SIPA1L3: variants seen among roughly 807,000 people sequenced by gnomAD.
SIPA1L3 encodes the protein signal induced proliferation associated 1 like 3.
Under a neutral mutation model 150.1 loss-of-function variants are expected in SIPA1L3, and 59 were observed. That is an observed-to-expected ratio of 0.39 (90% CI 0.32 to 0.49). SIPA1L3 has a LOEUF of 0.49. SIPA1L3 is among the 20% of genes least tolerant of loss of function. SIPA1L3 has a pLI of 0.86. For missense variants in SIPA1L3, 2,211 were observed against 2,489.5 expected, an observed-to-expected ratio of 0.89 and a Z score of 2.38; for synonymous variants, 1,070 against 1,077.6, an observed-to-expected ratio of 0.99 and a Z score of 0.14.
At chr19:38,128,276 G>A (rs1203152406) in intron 9 of SIPA1L3, among the ~76,000 whole-genome samples, 9 of 151,974 alleles carry the variant, frequency 5.9e-5, no homozygotes, top group Admixed American at 5.9e-4. Context: ...AATAGGATGG[G>A]AAAGAATAAA....
chr19:37,908,361 G>A (rs1054185057), intron 1 of SIPA1L3, among the ~76,000 whole-genome samples: 3 of 152,180 alleles, frequency 2.0e-5, no homozygotes, highest in African/African-American at 7.2e-5. Context: ...CTAAGTAGCA[G>A]CTCTTATGTA....
At chr19:37,965,904 CT>C (rs1468768957) in intron 1 of SIPA1L3, among the ~76,000 whole-genome samples, 1 of 152,182 alleles carries the variant, frequency 6.6e-6, no homozygotes, top group Non-Finnish European at 1.5e-5. Context: ...TCCTGCCCAC[CT>C]CAGAAGCACC....
chr19:38,090,445 A>G (rs1437398583), intron 4 of SIPA1L3, among the ~76,000 whole-genome samples: 2 of 152,090 alleles, frequency 1.3e-5, no homozygotes, highest in African/African-American at 4.8e-5. Context: ...GGTAGAGGAA[A>G]CTGCCCGGTC....
At chr19:37,933,858 G>A (rs1326639750) in intron 1 of SIPA1L3, among the ~76,000 whole-genome samples, 1 of 152,210 alleles carries the variant, frequency 6.6e-6, no homozygotes, top group Admixed American at 6.5e-5. Context: ...TAAGTGGAGA[G>A]GATGTCAGGT....
intron 16 of SIPA1L3, among the ~76,000 whole-genome samples, chr19:38,187,746 G>GA (rs915321008): frequency 1.0e-4 from 14 of 137,406 alleles, no homozygotes; most frequent in East Asian, 6.7e-4. Flanking sequence ...AAGACAAAAG[G>GA]AAAAAAAAAC....
At chr19:38,181,819 C>G (rs949764526) in intron 15 of SIPA1L3, among the ~76,000 whole-genome samples, 21 of 145,534 alleles carry the variant, frequency 1.4e-4, no homozygotes, top group Non-Finnish European at 2.7e-4. Flanking sequence ...GCACTCCAGC[C>G]TGGGCAACAG....
chr19:38,182,864 C>T (rs1339735338), intron 16 of SIPA1L3, 124 bp downstream of exon 16: 5 of 715,006 alleles, frequency 7.0e-6, no homozygotes, highest in Admixed American at 3.0e-5. Flanking sequence ...TACCAGTGTA[C>T]ACACTGGGGC....
At chr19:38,035,919 C>T (rs1469927269) in intron 2 of SIPA1L3, among the ~76,000 whole-genome samples, 1 of 152,176 alleles carries the variant, frequency 6.6e-6, no homozygotes, top group Non-Finnish European at 1.5e-5. Context: ...TGTGAGGGGT[C>T]GCCCTGCACC....
At chr19:38,084,336 C>T (rs1024861873) in intron 3 of SIPA1L3, among the ~76,000 whole-genome samples, 1 of 152,212 alleles carries the variant, frequency 6.6e-6, no homozygotes, top group African/African-American at 2.4e-5. Flanking sequence ...GAGTTATAGC[C>T]TACTGCTCAA....
intron 16 of SIPA1L3, 65 bp downstream of exon 16, chr19:38,182,805 A>G (rs1259042609): frequency 2.6e-5 from 33 of 1,274,818 alleles, no homozygotes; most frequent in Admixed American, 1.1e-4. Flanking sequence ...CGGGGCGGAA[A>G]GAGGGTGATG....
intron 1 of SIPA1L3, among the ~76,000 whole-genome samples, chr19:37,934,468 C>T (rs2145506795): frequency 6.6e-6 from 1 of 152,274 alleles, no homozygotes. Flanking sequence ...CACAGTAGTT[C>T]TCTGGGCCAC....
chr19:38,176,552 A>G (rs1322759095), intron 15 of SIPA1L3, among the ~76,000 whole-genome samples: 1 of 152,026 alleles, frequency 6.6e-6, no homozygotes, highest in African/African-American at 2.4e-5. Flanking sequence ...ATATGCCACT[A>G]TGCCCAGCTT....
At position 38,074,077 on chromosome 19, in the gene SIPA1L3, T is replaced by C. The variant is rs538605409; in HGVS notation, c.-310-7179T>C. ...TGCTGTGCTTCTCTCATCACGGGGG[T>C]TCCCCATCGGGAAGGTCCAAGTGCT... On this transcript the variant is annotated intron_variant, in intron 2 of 21. Coordinates refer to ENST00000222345, the MANE Select transcript of SIPA1L3 (RefSeq NM_015073.3). 6.6e-5 allele frequency among the ~76,000 whole-genome samples: 10 copies of C among 151,932 alleles called. No homozygotes were observed. In the East Asian group the frequency reaches 1.9e-3, roughly 29 times the overall value.
intron 2 of SIPA1L3, among the ~76,000 whole-genome samples, chr19:38,059,080 C>T (rs949172999): frequency 5.3e-5 from 8 of 150,010 alleles, no homozygotes; most frequent in Non-Finnish European, 1.2e-4. Flanking sequence ...GGTTGGAGTG[C>T]AGTGGCACCA....
At chr19:38,187,697 G>A (rs866208617) in intron 16 of SIPA1L3, among the ~76,000 whole-genome samples, 10 of 124,172 alleles carry the variant, frequency 8.1e-5, no homozygotes, top group African/African-American at 1.6e-4. Flanking sequence ...CAGCCTGGGC[G>A]ACAGCGAGAC....
At chr19:37,936,795 C>G (rs2046604978) in intron 1 of SIPA1L3, among the ~76,000 whole-genome samples, 1 of 152,160 alleles carries the variant, frequency 6.6e-6, no homozygotes, top group Admixed American at 6.5e-5. Flanking sequence ...TGGTTAATTA[C>G]AGGAAACATT....
At position 38,206,120 on chromosome 19, in the gene SIPA1L3, C is replaced by A. The variant is rs1264503818; in HGVS notation, c.5226C>A (p.Leu1742=). The A allele has an allele frequency of 6.5e-7, 1 of 1,549,924 alleles. No individual in the cohort carries two copies. ...LQKEKQDKVV[L]QSEVASLRQN... ...AGGAGAAGCAGGACAAGGTGGTGCT[C>A]CAGTCAGAGGTGGCCAGCCTGCGGC... Residue 1742 remains leucine (L), a synonymous_variant, in exon 22 of 22, where the codon CTC becomes CTA. Coordinates refer to ENST00000222345, the MANE Select transcript of SIPA1L3 (RefSeq NM_015073.3).
At chr19:38,128,828 C>T (rs1020485347) in intron 9 of SIPA1L3, among the ~76,000 whole-genome samples, 8 of 151,772 alleles carry the variant, frequency 5.3e-5, no homozygotes, top group Non-Finnish European at 8.8e-5. Flanking sequence ...ACCAGGGAGG[C>T]GGAGGTGGCA....
In SIPA1L3 at chr19:38,109,966, A is replaced by G. The variant is rs1273384570; in HGVS notation, c.2134-261A>G. 1.6e-5 allele frequency: 7 copies of G among 427,778 alleles called. No homozygotes were observed. In the Admixed American group the frequency reaches 1.7e-4, roughly 10 times the overall value. 26.5% of individuals were successfully genotyped at this position (427,778 alleles called of 1,614,324 possible). A position where few individuals can be genotyped will look rare whatever the true frequency, so the allele number is the denominator to read the frequency against. On this transcript the variant is annotated intron_variant, in intron 7 of 21. Coordinates refer to ENST00000222345, the MANE Select transcript of SIPA1L3 (RefSeq NM_015073.3). Reference sequence around the variant, plus strand: ...GACGAAGGAAGCCATGTGGGGACTCAGGAAGAATGTTCCTAGCAGAGGGAA... The same window carrying G: ...GACGAAGGAAGCCATGTGGGGACTCGGGAAGAATGTTCCTAGCAGAGGGAA...
Sources: allele counts gnomAD v4.1 joint callset (sites outside exome capture counted in the v4.1 genomes callset), GRCh38; gene constraint gnomAD v4.1.1; transcripts MANE v1.5; gene names NCBI Gene and HGNC (gene_info 2026-07-23, HGNC 2026-07-21).